Variants in KDM4B observed in about 807,000 individuals in gnomAD.
KDM4B encodes the protein lysine-specific demethylase 4B.
In KDM4B, 32 loss-of-function variants were observed where a neutral mutation model predicts 125.2. The ratio of observed to expected loss-of-function variants is 0.26; its 90% CI spans 0.19 to 0.34. KDM4B has a LOEUF of 0.34. Among genes scored for constraint, KDM4B ranks in the 10% least tolerant of loss-of-function variants. The probability of loss-of-function intolerance (pLI) is 1.00; values close to 1 mark genes in which losing one functional copy is unlikely to be tolerated. For missense variants in KDM4B, 1,190 were observed against 1,577.7 expected, an observed-to-expected ratio of 0.75 and a Z score of 4.16; for synonymous variants, 721 against 677.9, an observed-to-expected ratio of 1.06 and a Z score of -0.99.
intron 21 of KDM4B, among the ~76,000 whole-genome samples, chr19:5,150,017 T>C (rs550362190): frequency 2.0e-5 from 3 of 152,272 alleles, no homozygotes; most frequent in Admixed American, 2.0e-4. Context: ...TCTGTCACCT[T>C]GTCCTGGGGC....
intron 10 of KDM4B, chr19:5,112,036 T>G: frequency 1.8e-6 from 1 of 555,776 alleles, no homozygotes; most frequent in Non-Finnish European, 3.2e-6. Flanking sequence ...GAGGATTGCT[T>G]GAGTCCAGGG....
intron 1 of KDM4B, among the ~76,000 whole-genome samples, chr19:4,985,815 G>A (rs80293495): frequency 0.022 from 3,376 of 152,280 alleles, 132 homozygotes; most frequent in African/African-American, 0.078. Context: ...CCTCAGCACC[G>A]GTTCCAGGAG....
intron 9 of KDM4B, among the ~76,000 whole-genome samples, chr19:5,088,114 A>AG (rs2038565520): frequency 6.6e-6 from 1 of 152,196 alleles, no homozygotes; most frequent in Non-Finnish European, 1.5e-5. Context: ...GGAGAGCAGG[A>AG]GGGAGCCTGT....
rs572746959 is a variant in KDM4B at position 5,019,737 on chromosome 19, G to A, written c.-26+3398G>A. Among the ~76,000 whole-genome samples, 4 of 145,602 alleles carry A rather than the reference G, an allele frequency of 2.7e-5. No homozygotes were observed. In the East Asian group the frequency reaches 8.7e-4, roughly 32 times the overall value. On this transcript the variant is annotated intron_variant, in intron 2 of 22. Transcript: ENST00000159111. ...AGGTGGTGTGCAGGTGTGGGTGTTG[G>A]TGTGGGTGTTGGTGTGCAGGTATTG...
intron 1 of KDM4B, among the ~76,000 whole-genome samples, chr19:4,975,642 G>A (rs377029906): frequency 6.7e-6 from 1 of 149,646 alleles, no homozygotes; most frequent in African/African-American, 2.5e-5. Context: ...GCCCAGGCTG[G>A]GGCGCAGTGG....
At chr19:5,124,600 T>A (rs2039418397) in intron 11 of KDM4B, among the ~76,000 whole-genome samples, 1 of 152,148 alleles carries the variant, frequency 6.6e-6, no homozygotes. Context: ...CTTCTTTTCC[T>A]TTTCCTTTCC....
At chr19:5,101,622 C>T (rs1446065500) in intron 9 of KDM4B, among the ~76,000 whole-genome samples, 2 of 151,712 alleles carry the variant, frequency 1.3e-5, no homozygotes, top group Non-Finnish European at 2.9e-5. Context: ...GCGGGGAGGG[C>T]CTCACTCGGT....
rs890731209 is a variant in KDM4B, at chr19:5,144,838, G to T, written c.2957G>T (p.Arg986Leu). ...TCCGAGGGGGAGCTGGTGGAGCTCC[G>T]GTGGACTGACGGCAACCTCTACAAG... is the stretch of plus-strand genomic sequence containing the variant. ...PPSEGELVEL[R>L]WTDGNLYKAK... is the part of the protein sequence containing the mutation. The change falls in exon 21 of 23, where the codon CGG becomes CTG. Residue 986 changes from arginine to leucine, a missense_variant. Physicochemically the swap from Arg to Leu is moderately radical, Grantham distance 102 (BLOSUM62 -2). Coordinates refer to ENST00000159111, the MANE Select transcript of KDM4B (RefSeq NM_015015.3). The T allele has an allele frequency of 1.2e-6, 2 of 1,613,324 alleles. No individual in the cohort carries two copies. The highest frequency in any genetic ancestry group is 1.7e-4 in the Middle Eastern group (1 of 6,056).
intron 18 of KDM4B, 71 bp from the exon 19 acceptor site, chr19:5,143,896 G>T (rs2039789784): frequency 3.2e-6 from 4 of 1,249,252 alleles, no homozygotes; most frequent in African/African-American, 1.5e-5. Context: ...GCCGGGAGGG[G>T]CCGGGGACTC....
chr19:5,114,546 C>G lies in KDM4B; in HGVS notation c.1115+3728C>G, dbSNP rs767457022. 2.9e-6 allele frequency: 1 copy of G among 349,440 alleles called. No individual in the cohort carries two copies. The highest frequency in any genetic ancestry group is 5.7e-6 in the Non-Finnish European group (1 of 175,508). The allele number at this position is 349,440 out of a possible 1,614,324, so 21.6% of individuals were successfully genotyped here. A position where few individuals can be genotyped will look rare whatever the true frequency, so the allele number is the denominator to read the frequency against. On this transcript the variant is annotated intron_variant, in intron 10 of 22. Coordinates refer to ENST00000159111, the MANE Select transcript of KDM4B (RefSeq NM_015015.3). The surrounding 1 kb of genome is among the most constrained non-coding windows in gnomAD (Gnocchi z 5.8). ...GACCTGCCAGCCCCTGCAGGGAGTG[C>G]GCAGCCTCAGGGACTCACTTGCTGT...
In KDM4B at chr19:5,143,829, G is replaced by T. The variant is rs377315635; in HGVS notation, c.2551-138G>T. On this transcript the variant is annotated intron_variant, in intron 18 of 22. Coordinates refer to ENST00000159111, the MANE Select transcript of KDM4B (RefSeq NM_015015.3). ...GCTGCGGGCTCTGGGCTGTGGAGGG[G>T]AACCCTCACTGGGCAGAGCGCAGGG... 6.3e-4 allele frequency: 436 copies of T among 690,648 alleles called. 1 individual carries two copies. The African/African-American group carries it at 7.5e-3, about 12-fold the overall frequency. The allele number at this position is 690,648 out of a possible 1,614,324, so 42.8% of individuals were successfully genotyped here. A position where few individuals can be genotyped will look rare whatever the true frequency, so the allele number is the denominator to read the frequency against.
At chr19:5,087,863 C>T (rs2038556208) in intron 9 of KDM4B, among the ~76,000 whole-genome samples, 1 of 152,182 alleles carries the variant, frequency 6.6e-6, no homozygotes, top group African/African-American at 2.4e-5. Context: ...GGCTTTGGGG[C>T]TGGGATTTCA....
At chr19:4,973,484 C>T (rs1383554782) in intron 1 of KDM4B, among the ~76,000 whole-genome samples, 3 of 152,140 alleles carry the variant, frequency 2.0e-5, no homozygotes, top group South Asian at 2.1e-4. Flanking sequence ...CCACTATGCT[C>T]GGCCAAGTTG....
At position 4,997,536 on chromosome 19, in the gene KDM4B, G is replaced by T. The variant is rs1458693839; in HGVS notation, c.-108-18721G>T. ...TCTGCAGCTGCCTCCTTGGCTCCCC[G>T]GTTGTTAGCTGTGTGATCTAGGGTA... On this transcript the variant is annotated intron_variant, in intron 1 of 22. Coordinates refer to ENST00000159111, the MANE Select transcript of KDM4B (RefSeq NM_015015.3). This position sits in a 1 kb window ranked among gnomAD's most constrained non-coding sequence, Gnocchi z 4.2. Among the ~76,000 whole-genome samples the T allele has an allele frequency of 6.6e-6, 1 of 152,130 alleles. No homozygotes were observed. Among genetic ancestry groups the T allele is most frequent in the African/African-American group, 2.4e-5 (1 of 41,426 alleles).
intron 2 of KDM4B, among the ~76,000 whole-genome samples, chr19:5,023,758 ATTT>A (rs148293792): frequency 2.2e-5 from 2 of 89,122 alleles, no homozygotes; most frequent in African/African-American, 4.7e-5. Context: ...GTCTTTTTGA[ATTT>A]TTTTTTTTTT....
intron 1 of KDM4B, among the ~76,000 whole-genome samples, chr19:5,011,004 T>C (rs562113501): frequency 6.6e-6 from 1 of 152,318 alleles, no homozygotes; most frequent in African/African-American, 2.4e-5. Context: ...TGTTTTATCC[T>C]GTGGGTTGTA....
At chr19:5,119,295 C>A in intron 10 of KDM4B, 1 of 1,021,050 alleles carries the variant, frequency 9.8e-7, no homozygotes, top group Non-Finnish European at 1.5e-6. Context: ...CTCACACTCC[C>A]TGTGTCTCTG....
At chr19:5,079,430 G>A (rs998210509) in intron 8 of KDM4B, among the ~76,000 whole-genome samples, 1 of 152,168 alleles carries the variant, frequency 6.6e-6, no homozygotes, top group Admixed American at 6.5e-5. Context: ...TGTCCTAACC[G>A]AGCACATTTT....
At chr19:5,150,291 C>T (rs770082726) in intron 21 of KDM4B, 67 bp from the exon 22 acceptor site, 114 of 1,388,868 alleles carry the variant, frequency 8.2e-5, no homozygotes, top group South Asian at 1.2e-4. Flanking sequence ...CTCTTGAGGC[C>T]GTGGCCTGCC....
Sources: gnomAD v4.1 joint callset for allele counts (sites outside exome capture counted in the v4.1 genomes callset) on GRCh38, gnomAD v4.1.1 for gene constraint, Gnocchi (gnomAD v3.1) non-coding constraint, MANE v1.5 for transcripts, NCBI Gene and HGNC (gene_info 2026-07-23, HGNC 2026-07-21) for gene names.